Variants in ITPR3 observed in about 807,000 individuals in gnomAD.
ITPR3 encodes inositol 1,4,5-trisphosphate-gated calcium channel ITPR3.
A neutral mutation model predicts 293.2 loss-of-function variants in ITPR3; 173 were observed. The ratio of observed to expected loss-of-function variants is 0.59; its 90% confidence interval spans 0.52 to 0.67. The LOEUF is 0.67. Ranked by LOEUF, ITPR3 falls within the 30% of genes least tolerant of loss-of-function variation. ITPR3 has a pLI of 0.00. For synonymous variants in ITPR3, 1,295 were observed against 1,444.4 expected, an observed-to-expected ratio of 0.90 and a Z score of 2.35; for missense variants, 2,796 against 3,592.1, an observed-to-expected ratio of 0.78 and a Z score of 5.66.
chr6:33,637,372 AG>A (rs1324458276), intron 1 of ITPR3, among the ~76,000 whole-genome samples: 2 of 152,240 alleles, frequency 1.3e-5, no homozygotes, highest in Non-Finnish European at 1.5e-5. Flanking sequence ...AATATGGAGC[AG>A]GAGATACAGA....
rs1765383672 is a variant in ITPR3, at chr6:33,691,329, C to A, written c.7225+220C>A. 1.3e-5 allele frequency among the ~76,000 whole-genome samples: 2 copies of A among 152,194 alleles called. No homozygotes were observed. Among genetic ancestry groups the A allele is most frequent in the African/African-American group, 4.8e-5 (2 of 41,434 alleles). On this transcript the variant is annotated intron_variant, in intron 52 of 57. Transcript: ENST00000605930. This position sits in a 1 kb window ranked among gnomAD's most constrained non-coding sequence, Gnocchi z 4.9. ...CCTTGGGTCTCTGGCCCCTAAGGAACCCCTTGCTTGAGGGCTGGAGTCCCT... is the reference window on the plus strand; with the variant it reads ...CCTTGGGTCTCTGGCCCCTAAGGAAACCCTTGCTTGAGGGCTGGAGTCCCT...
intron 49 of ITPR3, among the ~76,000 whole-genome samples, 156 bp downstream of exon 49, chr6:33,688,937 A>G (rs1765314658): frequency 6.6e-6 from 1 of 152,204 alleles, no homozygotes; most frequent in African/African-American, 2.4e-5. Flanking sequence ...TCGCCCCATC[A>G]TGGAGACACA....
At chr6:33,690,374 C>G (rs1365620824) in intron 51 of ITPR3, among the ~76,000 whole-genome samples, 176 bp downstream of exon 51, 14 of 152,134 alleles carry the variant, frequency 9.2e-5, no homozygotes, top group Non-Finnish European at 1.9e-4. Flanking sequence ...CCCTCAAGGC[C>G]CTGATGGCCA....
intron 7 of ITPR3, among the ~76,000 whole-genome samples, chr6:33,661,848 T>A (rs1764476506): frequency 8.0e-6 from 1 of 124,432 alleles, no homozygotes; most frequent in Admixed American, 8.5e-5. Context: ...TAAAATAAAT[T>A]AGCCGGGCGT....
chr6:33,671,220 T>C lies in ITPR3; in HGVS notation c.2642T>C (p.Leu881Pro). The C allele has an allele frequency of 6.2e-7, 1 of 1,613,790 alleles. No individual in the cohort carries two copies. The highest frequency in any genetic ancestry group is 8.5e-7 in the Non-Finnish European group (1 of 1,179,982). ...IYFGFYSFSE[L>P]LRLTRTLLGI... is the part of the protein sequence containing the mutation. The stretch of plus-strand genomic sequence containing the variant: ...TTCGGCTTCTACAGCTTCAGCGAGC[T>C]GCTGCGGCTCACTCGCACACTGCTG... Residue 881 changes from leucine to proline, a missense_variant, in exon 21 of 58, where the codon CTG (leucine) becomes CCG (proline). Coordinates refer to ENST00000605930, the MANE Select transcript of ITPR3 (RefSeq NM_002224.4).
chr6:33,680,259 G>A (rs1200109357), intron 31 of ITPR3, 70 bp from the exon 32 acceptor site: 4 of 1,582,492 alleles, frequency 2.5e-6, no homozygotes, highest in Non-Finnish European at 3.4e-6. Flanking sequence ...CAGGGGACAG[G>A]AGCATTGTGG....
At chr6:33,631,422 C>T (rs1447665224) in intron 1 of ITPR3, among the ~76,000 whole-genome samples, 3 of 152,138 alleles carry the variant, frequency 2.0e-5, no homozygotes, top group African/African-American at 4.8e-5. Context: ...ACAGGATAGG[C>T]GGCCCTTCCC....
intron 1 of ITPR3, among the ~76,000 whole-genome samples, chr6:33,630,805 G>C (rs1763660371): frequency 6.6e-6 from 1 of 152,214 alleles, no homozygotes; most frequent in Non-Finnish European, 1.5e-5. Context: ...TAAGCTTTCT[G>C]AAGGCTTTAG....
intron 1 of ITPR3, among the ~76,000 whole-genome samples, chr6:33,623,321 G>GTTT (rs150420581): frequency 0.33 from 39,148 of 117,368 alleles, 7,577 homozygotes; most frequent in South Asian, 0.42. Context: ...GTGCCTGTGA[G>GTTT]TTTTGTTTTT....
rs1471526387 is a variant in ITPR3 at position 33,659,486 on chromosome 6, C to CTG, written c.648_649insTG (p.Thr217Ter). On this transcript the variant is annotated frameshift_variant, in exon 7 of 58. Transcript: ENST00000605930. LOFTEE classifies it high-confidence loss of function. The stretch of plus-strand genomic sequence containing the variant: ...CGCAGGTCAATTCTGTGAACTGCAA[C>CTG]ACCAGCTGGAAGATCAACCTGTTTA... 6.2e-7 allele frequency: 1 copy of CTG among 1,614,160 alleles called. No homozygotes were observed. The highest frequency in any genetic ancestry group is 1.7e-5 in the Admixed American group (1 of 60,026).
At position 33,662,908 on chromosome 6, in the gene ITPR3, T is replaced by C. The variant is rs1764510743; in HGVS notation, c.859-3T>C. The stretch of plus-strand genomic sequence containing the variant: ...TTCCTGCCTCACACCTGTGTGCCCC[T>C]AGGTGGTCCACCACGACCCCTGCCG... On this transcript the variant is annotated splice_polypyrimidine_tract_variant and splice_region_variant and intron_variant, in intron 8 of 57. Transcript: ENST00000605930. 2.5e-6 allele frequency: 4 copies of C among 1,587,638 alleles called. No individual in the cohort carries two copies. Among genetic ancestry groups the C allele is most frequent in the South Asian group, 1.1e-5 (1 of 87,408 alleles).
intron 24 of ITPR3, among the ~76,000 whole-genome samples, chr6:33,674,544 G>A (rs948352564): frequency 3.3e-5 from 5 of 152,232 alleles, no homozygotes; most frequent in African/African-American, 9.6e-5. Context: ...CTGGACAGCT[G>A]GAACAACGTC....
At position 33,690,162 on chromosome 6, in the gene ITPR3, G is replaced by A; in HGVS notation, c.6996G>A (p.Leu2332=). Residue 2332 remains leucine, a synonymous_variant, in exon 51 of 58, where the codon CTG becomes CTA. Transcript: ENST00000605930. ...YHVGYILTSV[L]GLFAHELFYS... is the part of the protein sequence containing the mutation. ...TGGGCTACATCCTGACCAGTGTCCT[G>A]GGCCTCTTTGCTCATGAGCTGTTCT... 1 of 1,614,150 alleles carries A rather than the reference G, an allele frequency of 6.2e-7. No homozygotes were observed. The highest frequency in any genetic ancestry group is 8.5e-7 in the Non-Finnish European group (1 of 1,180,016).
At chr6:33,668,078 G>C in intron 16 of ITPR3, 114 bp downstream of exon 16, 1 of 1,139,026 alleles carries the variant, frequency 8.8e-7, no homozygotes, top group Non-Finnish European at 1.3e-6. Context: ...CTGCCACCCT[G>C]AATAGCACTG....
chr6:33,692,091 CATG>C lies in ITPR3; in HGVS notation c.7458+166_7458+168del, dbSNP rs772451480. ...CCTGCTTTCCACACCTGGCCAATTC[CATG>C]ATATTACTGCTTAGCTGCCCCCTCA... is the stretch of plus-strand genomic sequence containing the variant. On this transcript the variant is annotated intron_variant, in intron 54 of 57. Coordinates refer to ENST00000605930, the MANE Select transcript of ITPR3 (RefSeq NM_002224.4). The surrounding 1 kb of genome is among the most constrained non-coding windows in gnomAD (Gnocchi z 4.2). Among the ~76,000 whole-genome samples, 11 of 152,360 alleles carry C rather than the reference CATG, an allele frequency of 7.2e-5. No individual in the cohort carries two copies. Among genetic ancestry groups the C allele is most frequent in the Non-Finnish European group, 1.2e-4 (8 of 68,042 alleles).
Position 33,662,996 on chromosome 6 carries a change from T to C in ITPR3, c.944T>C (p.Leu315Pro). The change falls in exon 9 of 58, where the codon CTG becomes CCG. Residue 315 changes from leucine to proline, a missense_variant. Coordinates refer to ENST00000605930, the MANE Select transcript of ITPR3 (RefSeq NM_002224.4). ...AAGCACCTGGCTACAGGCAACTACC[T>C]GGCTGCTGAGGTGAGCGGGAGGTAG... is the stretch of plus-strand genomic sequence containing the variant. Reference protein sequence around the residue: ...RFKHLATGNYLAAEENPSYKG... With the variant: ...RFKHLATGNYPAAEENPSYKG... 6.3e-7 allele frequency: 1 copy of C among 1,599,222 alleles called. No homozygotes were observed. The highest frequency in any genetic ancestry group is 8.5e-7 in the Non-Finnish European group (1 of 1,172,186).
chr6:33,658,665 C>T lies in ITPR3; in HGVS notation c.370-5C>T, dbSNP rs1561861631. The T allele has an allele frequency of 6.2e-7, 1 of 1,613,804 alleles. No homozygotes were observed. The highest frequency in any genetic ancestry group is 8.5e-7 in the Non-Finnish European group (1 of 1,179,758). ...TGACCTTCCCGCACCCCACCTGACC[C>T]CCAGCTCCTGCACATGAAGAGCAAC... On this transcript the variant is annotated splice_polypyrimidine_tract_variant and splice_region_variant and intron_variant, in intron 4 of 57. Coordinates refer to ENST00000605930, the MANE Select transcript of ITPR3 (RefSeq NM_002224.4). This position sits in a 1 kb window ranked among gnomAD's most constrained non-coding sequence, Gnocchi z 6.1.
In ITPR3 at chr6:33,686,197, A is replaced by G. The variant is rs900523070; in HGVS notation, c.5812A>G (p.Ile1938Val). 31 of 1,613,986 alleles carry G rather than the reference A, an allele frequency of 1.9e-5. No homozygotes were observed. Among genetic ancestry groups the G allele is most frequent in the Non-Finnish European group, 2.5e-5 (29 of 1,180,044 alleles). Residue 1938 changes from isoleucine to valine, a missense_variant, in exon 42 of 58, where the codon ATC becomes GTC. This residue lies in a region of ITPR3 where 704 missense variants were observed against 797.5 expected (regional missense o/e 0.88). Transcript: ENST00000605930. Reference protein sequence around the residue: ...YINEDNVGLVIQTLETLTEYC... With the variant: ...YINEDNVGLVVQTLETLTEYC... ...CAATGAGGACAACGTGGGCCTCGTC[A>G]TCCAGACCTTGGAGACCCTCACTGA... is the stretch of plus-strand genomic sequence containing the variant.
intron 31 of ITPR3, 29 bp from the exon 32 acceptor site, chr6:33,680,300 G>C: frequency 6.2e-7 from 1 of 1,601,730 alleles, no homozygotes; most frequent in Non-Finnish European, 8.5e-7. Context: ...GGCCCTGCTT[G>C]CGCCCCTGAC....
Sources: gnomAD v4.1 joint callset for allele counts (sites outside exome capture counted in the v4.1 genomes callset) on GRCh38, gnomAD v4.1.1 for gene constraint, gnomAD v4.1.1 regional missense constraint, Gnocchi (gnomAD v3.1) non-coding constraint, MANE v1.5 for transcripts, NCBI Gene and HGNC (gene_info 2026-07-23, HGNC 2026-07-21) for gene names.